The following KCNH1 variants were observed in gnomAD, a reference collection of about 807,000 sequenced individuals.
The protein encoded by KCNH1 is potassium voltage-gated channel subfamily H member 1, also known as voltage-gated delayed rectifier potassium channel KCNH1.
A neutral mutation model predicts 69.2 loss-of-function variants in KCNH1; 27 were observed. The observed-to-expected ratio is 0.39, with a 90% CI of 0.29 to 0.54. The LOEUF (loss-of-function observed/expected upper bound fraction) is 0.54, where lower values mean the gene tolerates loss of function less well. KCNH1 is among the 20% of genes least tolerant of loss of function. The probability of loss-of-function intolerance (pLI) is 0.68; values close to 1 mark genes in which losing one functional copy is unlikely to be tolerated. For missense variants in KCNH1, 798 were observed against 1,261.6 expected, an observed-to-expected ratio of 0.63 and a Z score of 5.57; for synonymous variants, 456 against 487.7, an observed-to-expected ratio of 0.93 and a Z score of 0.86.
intron 5 of KCNH1, among the ~76,000 whole-genome samples, chr1:211,051,925 C>T (rs1306720804): frequency 6.6e-6 from 1 of 151,666 alleles, no homozygotes; most frequent in African/African-American, 2.4e-5. Flanking sequence ...AGTCTGACTC[C>T]AAATCTCTCT....
intron 5 of KCNH1, among the ~76,000 whole-genome samples, chr1:211,046,905 C>G (rs527811198): frequency 6.6e-6 from 1 of 152,002 alleles, no homozygotes; most frequent in Non-Finnish European, 1.5e-5. Flanking sequence ...TAAATTAATA[C>G]TAACCAATGG....
intron 6 of KCNH1, among the ~76,000 whole-genome samples, chr1:210,938,690 C>T (rs114454811): frequency 0.011 from 1,718 of 152,314 alleles, 35 homozygotes; most frequent in African/African-American, 0.039. Context: ...AACACTGTCA[C>T]ACTGGTTGTC....
chr1:211,121,650 G>A (rs1486382311), intron 1 of KCNH1, among the ~76,000 whole-genome samples: 3 of 152,124 alleles, frequency 2.0e-5, no homozygotes, highest in African/African-American at 4.8e-5. Context: ...AACGCCAAAA[G>A]CAATTGCAAC....
chr1:210,839,521 C>T (rs949373748), intron 7 of KCNH1, among the ~76,000 whole-genome samples: 1 of 152,168 alleles, frequency 6.6e-6, no homozygotes, highest in Admixed American at 6.5e-5. Context: ...TGCAGTATAC[C>T]ACCATGGCAC....
intron 6 of KCNH1, among the ~76,000 whole-genome samples, chr1:210,957,703 T>A (rs1252700134): frequency 6.6e-6 from 1 of 152,210 alleles, no homozygotes; most frequent in Non-Finnish European, 1.5e-5. Flanking sequence ...TTTTTTGGTT[T>A]AAAGTCTGTT....
intron 7 of KCNH1, among the ~76,000 whole-genome samples, chr1:210,916,251 T>A (rs1016721678): frequency 5.3e-5 from 8 of 152,190 alleles, no homozygotes; most frequent in Non-Finnish European, 8.8e-5. Context: ...GTTTGGAGTA[T>A]AAGTTTACAA....
intron 6 of KCNH1, among the ~76,000 whole-genome samples, chr1:210,954,867 T>A (rs139194347): frequency 0.014 from 2,195 of 152,336 alleles, 49 homozygotes; most frequent in African/African-American, 0.049. Flanking sequence ...TCCACTCTGA[T>A]GGTAGTTTCT....
At chr1:210,792,876 C>T (rs1406089935) in intron 9 of KCNH1, among the ~76,000 whole-genome samples, 1 of 152,002 alleles carries the variant, frequency 6.6e-6, no homozygotes, top group Non-Finnish European at 1.5e-5. Flanking sequence ...TATGCACAGC[C>T]CTGATGCTAG....
At chr1:211,037,361 A>G (rs532971532) in intron 5 of KCNH1, among the ~76,000 whole-genome samples, 11 of 152,278 alleles carry the variant, frequency 7.2e-5, no homozygotes, top group Admixed American at 6.5e-4. Context: ...ATCTCATGCA[A>G]TGGGAAGGCT....
chr1:210,749,289 AC>A (rs1683230875), intron 10 of KCNH1, among the ~76,000 whole-genome samples: 1 of 151,982 alleles, frequency 6.6e-6, no homozygotes, highest in Non-Finnish European at 1.5e-5. Flanking sequence ...AACATATAGA[AC>A]TCCCAAGAGA....
Position 210,786,381 on chromosome 1 carries a change from T to G in KCNH1, c.1916-10837A>C, listed in dbSNP as rs1437027310. Among the ~76,000 whole-genome samples the G allele has an allele frequency of 2.0e-5, 3 of 152,234 alleles. No homozygotes were observed. In the East Asian group the frequency reaches 5.8e-4, roughly 29 times the overall value. On this transcript the variant is annotated intron_variant, in intron 9 of 10. Coordinates refer to ENST00000271751, the MANE Select transcript of KCNH1 (RefSeq NM_172362.3). Reference sequence around the variant, plus strand: ...CCATGACATTGTCTATTTCGTGAACTATAGTTCTGTAACACTTGAAAATGA... The same window carrying G: ...CCATGACATTGTCTATTTCGTGAACGATAGTTCTGTAACACTTGAAAATGA...
chr1:210,738,620 C>T (rs568220017), intron 10 of KCNH1, among the ~76,000 whole-genome samples: 34 of 139,854 alleles, frequency 2.4e-4, no homozygotes, highest in Admixed American at 7.7e-4. Flanking sequence ...GCTCCGGTGC[C>T]GTGGCACAAT....
intron 6 of KCNH1, among the ~76,000 whole-genome samples, chr1:210,960,270 A>G (rs1327508977): frequency 6.6e-6 from 1 of 152,144 alleles, no homozygotes; most frequent in African/African-American, 2.4e-5. Context: ...TATATCATAA[A>G]TTTTAGGTTT....
intron 7 of KCNH1, among the ~76,000 whole-genome samples, chr1:210,829,125 G>A (rs1685105477): frequency 6.6e-6 from 1 of 152,190 alleles, no homozygotes; most frequent in Non-Finnish European, 1.5e-5. Flanking sequence ...GGCACTCCAA[G>A]TGATCTGATT....
At chr1:211,099,419 A>G (rs1023500082) in intron 3 of KCNH1, among the ~76,000 whole-genome samples, 4 of 152,232 alleles carry the variant, frequency 2.6e-5, no homozygotes, top group Admixed American at 1.3e-4. Context: ...TAAAATCTCA[A>G]CAAGAACTTT....
At chr1:211,023,206 T>C (rs1689622433) in intron 5 of KCNH1, among the ~76,000 whole-genome samples, 2 of 151,690 alleles carry the variant, frequency 1.3e-5, no homozygotes, top group Admixed American at 6.6e-5. Context: ...AATTATTACA[T>C]ACTTTTGTTG....
At position 210,897,565 on chromosome 1, in the gene KCNH1, T is replaced by C. The variant is rs559978086; in HGVS notation, c.1462+22075A>G. Among the ~76,000 whole-genome samples the C allele has an allele frequency of 2.6e-5, 4 of 152,300 alleles. No individual in the cohort carries two copies. The South Asian group carries it at 8.3e-4, about 32-fold the overall frequency. ...CAGCTCCAACAGGCTCCCCTGGATATGAAATCAGACAAGAGCCCTACTGTG... is the reference window on the plus strand; with the variant it reads ...CAGCTCCAACAGGCTCCCCTGGATACGAAATCAGACAAGAGCCCTACTGTG... On this transcript the variant is annotated intron_variant, in intron 7 of 10. Coordinates refer to ENST00000271751, the MANE Select transcript of KCNH1 (RefSeq NM_172362.3).
At position 211,081,998 on chromosome 1, in the gene KCNH1, A is replaced by G. The variant is rs1690868140; in HGVS notation, c.558+782T>C. 2.6e-5 allele frequency among the ~76,000 whole-genome samples: 4 copies of G among 152,172 alleles called. No individual in the cohort carries two copies. The South Asian group carries it at 8.3e-4, about 32-fold the overall frequency. On this transcript the variant is annotated intron_variant, in intron 5 of 10. Transcript: ENST00000271751. ...AAGTTAAAAAATTAAAAAATAAAAA[A>G]TAAAATAAAAATAAAGACCAGGCAC... is the stretch of plus-strand genomic sequence containing the variant.
chr1:211,032,264 A>G (rs1393411987), intron 5 of KCNH1, among the ~76,000 whole-genome samples: 1 of 152,228 alleles, frequency 6.6e-6, no homozygotes, highest in Non-Finnish European at 1.5e-5. Context: ...ATAAAAGAGG[A>G]TACAAACAAT....
Sources: allele counts gnomAD v4.1 joint callset (sites outside exome capture counted in the v4.1 genomes callset), GRCh38; gene constraint gnomAD v4.1.1; transcripts MANE v1.5; gene names NCBI Gene and HGNC (gene_info 2026-07-23, HGNC 2026-07-21).